The following RBFOX1 variants were observed in gnomAD, a reference collection of about 807,000 sequenced individuals.
The protein encoded by RBFOX1 is RNA binding protein fox-1 homolog 1.
Under a neutral mutation model 57.7 loss-of-function variants are expected in RBFOX1, and 8 were observed. The observed-to-expected ratio is 0.14, with a 90% CI of 0.08 to 0.25. The LOEUF (loss-of-function observed/expected upper bound fraction) is 0.25, where lower values mean the gene tolerates loss of function less well. RBFOX1 is among the 10% of genes least tolerant of loss of function. The probability of loss-of-function intolerance (pLI) is 1.00; values close to 1 mark genes in which losing one functional copy is unlikely to be tolerated. For synonymous variants in RBFOX1, 326 were observed against 222.4 expected (o/e 1.47, Z -4.15); for missense variants, 611 against 548.5 (o/e 1.11, Z -1.14).
chr16:7,040,586 C>T (rs1343931604), intron 3 of RBFOX1, among the ~76,000 whole-genome samples: 1 of 152,064 alleles, frequency 6.6e-6, no homozygotes, highest in Non-Finnish European at 1.5e-5. Flanking sequence ...TGGTCTGGTT[C>T]CCAGGACATC....
upstream of RBFOX1, chr16:6,018,989 G>GAGGGGA (rs1166864665): frequency 1.4e-6 from 1 of 736,560 alleles, no homozygotes; most frequent in African/African-American, 1.9e-5. Flanking sequence ...CGGCGCTGGC[G>GAGGGGA]AGGGGAAGGG....
intron 2 of RBFOX1, among the ~76,000 whole-genome samples, chr16:6,372,328 G>A (rs13337411): frequency 0.043 from 6,308 of 146,900 alleles, 433 homozygotes; most frequent in African/African-American, 0.15. Context: ...GTTGGGTGGA[G>A]TGGAGACTTG....
intron 3 of RBFOX1, among the ~76,000 whole-genome samples, chr16:6,813,887 T>G (rs979424879): frequency 1.3e-5 from 2 of 152,014 alleles, no homozygotes; most frequent in African/African-American, 2.4e-5. Context: ...TGTTAGGTAA[T>G]GAAGGGAGAT....
intron 4 of RBFOX1, among the ~76,000 whole-genome samples, chr16:7,248,311 C>A (rs1423654669): frequency 6.6e-6 from 1 of 152,014 alleles, no homozygotes; most frequent in East Asian, 1.9e-4. Context: ...TCACTCCCTT[C>A]CTTGTTCATA....
At chr16:6,096,696 C>T (rs1210038146) in intron 1 of RBFOX1, among the ~76,000 whole-genome samples, 2 of 152,142 alleles carry the variant, frequency 1.3e-5, no homozygotes, top group African/African-American at 2.4e-5. Flanking sequence ...AAAACTCTAA[C>T]CATTGGTTAT....
intron 3 of RBFOX1, among the ~76,000 whole-genome samples, chr16:5,640,784 C>G (rs2048838780): frequency 6.6e-6 from 1 of 150,440 alleles, no homozygotes; most frequent in South Asian, 2.1e-4. Flanking sequence ...CATACACACA[C>G]CATGCATACA....
intron 3 of RBFOX1, among the ~76,000 whole-genome samples, chr16:6,983,257 C>T (rs1365136462): frequency 6.6e-6 from 1 of 152,112 alleles, no homozygotes; most frequent in East Asian, 1.9e-4. Flanking sequence ...TACTTGGAAT[C>T]ACTAGTAACT....
At chr16:6,889,680 C>G (rs1048238722) in intron 3 of RBFOX1, among the ~76,000 whole-genome samples, 3 of 152,132 alleles carry the variant, frequency 2.0e-5, no homozygotes, top group Non-Finnish European at 2.9e-5. Context: ...TAGTCCAGCA[C>G]CTAATGGTTG....
At position 6,654,588 on chromosome 16, in the gene RBFOX1, T is replaced by A; in HGVS notation, c.-63-15T>A. ...GTTCTTTCTCTCACTTTCCTTTCTT[T>A]TCTTCTCTTCTCAGGATATCAAAGC... is the stretch of plus-strand genomic sequence containing the variant. On this transcript the variant is annotated splice_polypyrimidine_tract_variant and intron_variant, in intron 2 of 15. Coordinates refer to ENST00000550418, the MANE Select transcript of RBFOX1 (RefSeq NM_018723.4). 3 of 1,503,198 alleles carry A rather than the reference T, an allele frequency of 2.0e-6. No individual in the cohort carries two copies. The highest frequency in any genetic ancestry group is 2.6e-6 in the Non-Finnish European group (3 of 1,133,552). The allele number at this position is 1,503,198 out of a possible 1,614,324, so 93.1% of individuals were successfully genotyped here.
At chr16:6,373,243 A>G (rs2090726090) in intron 2 of RBFOX1, among the ~76,000 whole-genome samples, 1 of 151,492 alleles carries the variant, frequency 6.6e-6, no homozygotes, top group East Asian at 1.9e-4. Flanking sequence ...ATCACTGGGT[A>G]GGAGGATAGT....
chr16:5,569,455 TTTTTTTTTTTTTC>T (rs1252366208), intron 2 of RBFOX1, among the ~76,000 whole-genome samples: 7,148 of 128,024 alleles, frequency 0.056, 287 homozygotes, highest in African/African-American at 0.16. Context: ...TTTTTTTTTT[TTTTTTTTTTTTTC>T]TTCTTCTTTT....
chr16:5,863,491 C>A (rs576036010), intron 3 of RBFOX1, among the ~76,000 whole-genome samples: 1 of 152,202 alleles, frequency 6.6e-6, no homozygotes, highest in South Asian at 2.1e-4. Context: ...CTCTGCGGTA[C>A]GGTCTGGCTT....
chr16:6,631,667 C>T (rs908111299), intron 2 of RBFOX1, among the ~76,000 whole-genome samples: 8 of 151,990 alleles, frequency 5.3e-5, no homozygotes, highest in African/African-American at 2.4e-5. Context: ...AATAATGGTA[C>T]GTGCAATAAA....
intron 3 of RBFOX1, among the ~76,000 whole-genome samples, chr16:5,856,678 T>C (rs1366200055): frequency 1.3e-5 from 2 of 148,520 alleles, no homozygotes; most frequent in Non-Finnish European, 3.0e-5. Flanking sequence ...TTTTATGTTA[T>C]AGAGATGGTT....
At chr16:6,334,776 T>A (rs563514031) in intron 2 of RBFOX1, among the ~76,000 whole-genome samples, 1 of 152,284 alleles carries the variant, frequency 6.6e-6, no homozygotes, top group East Asian at 1.9e-4. Context: ...TGATTAGCAA[T>A]GTCTTCCATG....
intron 2 of RBFOX1, among the ~76,000 whole-genome samples, chr16:6,601,234 CGAATT>C (rs1302039656): frequency 1.3e-5 from 2 of 151,860 alleles, no homozygotes; most frequent in African/African-American, 4.8e-5. Context: ...TGCTGAATGA[CGAATT>C]GAACCAGCAT....
intron 3 of RBFOX1, among the ~76,000 whole-genome samples, chr16:6,755,842 T>G (rs1216821324): frequency 2.0e-5 from 3 of 152,192 alleles, no homozygotes; most frequent in African/African-American, 7.2e-5. Context: ...ATGGATTCTT[T>G]CAGAGCTGCC....
At chr16:5,606,778 T>G (rs112055636) in intron 3 of RBFOX1, among the ~76,000 whole-genome samples, 3,932 of 151,982 alleles carry the variant, frequency 0.026, 104 homozygotes, top group African/African-American at 0.069. Context: ...GAAGGACAAG[T>G]GGGAGTCGTA....
rs533636466 is a variant in RBFOX1, at chr16:6,904,683, G to A, written c.-15-147374G>A. Among the ~76,000 whole-genome samples, 11 of 150,208 alleles carry A rather than the reference G, an allele frequency of 7.3e-5. 1 individual carries two copies. The South Asian group carries it at 2.3e-3, about 32-fold the overall frequency. On this transcript the variant is annotated intron_variant, in intron 3 of 15. Transcript: ENST00000550418. ...TTGTACCTGAGGACTGTTTGGGGAA[G>A]CAGCTGCTTTTTCCCGTCAGTTTCT...
Sources: gnomAD v4.1 joint callset for allele counts (sites outside exome capture counted in the v4.1 genomes callset) on GRCh38, gnomAD v4.1.1 for gene constraint, MANE v1.5 for transcripts, NCBI Gene and HGNC (gene_info 2026-07-23, HGNC 2026-07-21) for gene names.